The following PARP3 variants were observed in gnomAD, a reference collection of about 807,000 sequenced individuals.
PARP3 encodes the protein poly(ADP-ribose) polymerase family member 3.
Under a neutral mutation model 58.2 loss-of-function variants are expected in PARP3, and 46 were observed. The observed-to-expected ratio is 0.79, with a 90% CI of 0.62 to 1.01. The LOEUF (loss-of-function observed/expected upper bound fraction) is 1.01. PARP3 is among the 50% of genes least tolerant of loss of function. The probability of loss-of-function intolerance (pLI) is 0.00; values close to 1 mark genes in which losing one functional copy is unlikely to be tolerated. For synonymous variants in PARP3, 252 were observed against 266.4 expected (o/e 0.95, Z 0.53); for missense variants, 663 against 683.9 (o/e 0.97, Z 0.34).
Position 51,945,110 on chromosome 3 carries a change from C to T in PARP3, c.747C>T (p.Ser249=). Residue 249 remains serine (S), a synonymous_variant, in exon 6 of 11, where the codon AGC becomes AGT. Transcript: ENST00000398755. The part of the protein sequence containing the change: ...ALKGPTDGGQ[S]LEELSSHFYT... ...AAGGCCCCACGGATGGTGGCCAAAG[C>T]CTGGAGGAGCTGTCCTCACACTTTT... The T allele has an allele frequency of 1.2e-6, 2 of 1,614,152 alleles. No individual in the cohort carries two copies. Among genetic ancestry groups the T allele is most frequent in the African/African-American group, 1.3e-5 (1 of 75,060 alleles).
rs754198499 is a variant in PARP3, at chr3:51,945,582, C to T, written c.949C>T (p.Arg317Ter). ...TVEEVPHPLD[R>*]DYQLLKCQLQ... ...GGAGGAGGTGCCACACCCCCTGGAC[C>T]GAGACTACCAGCTTCTCAAGTGCCA... Residue 317 changes from arginine to a stop codon, truncating the protein, a stop_gained, in exon 7 of 11, where the codon CGA (arginine) becomes TGA (stop). Transcript: ENST00000398755. LOFTEE classifies it high-confidence loss of function. 2.7e-5 allele frequency: 44 copies of T among 1,613,790 alleles called. No individual in the cohort carries two copies. Among genetic ancestry groups the T allele is most frequent in the Non-Finnish European group, 3.1e-5 (37 of 1,180,018 alleles).
Position 51,946,355 on chromosome 3 carries a change from C to T in PARP3, c.1276+12C>T. The T allele has an allele frequency of 6.3e-7, 1 of 1,589,190 alleles. No homozygotes were observed. Among genetic ancestry groups the T allele is most frequent in the Non-Finnish European group, 8.6e-7 (1 of 1,166,642 alleles). On this transcript the variant is annotated intron_variant, in intron 9 of 10. Transcript: ENST00000398755. This position sits in a 1 kb window ranked among gnomAD's most constrained non-coding sequence, Gnocchi z 4.6. ...GTCAGCTGGATATGGTGAGGTGCCCCTCTGGGCCAAGCCCTGGGAGGGTTG... is the reference window on the plus strand; with the variant it reads ...GTCAGCTGGATATGGTGAGGTGCCCTTCTGGGCCAAGCCCTGGGAGGGTTG...
intron 10 of PARP3, 65 bp downstream of exon 10, chr3:51,947,960 T>G (rs187136584): frequency 0.027 from 40,277 of 1,507,708 alleles, 679 homozygotes; most frequent in Non-Finnish European, 0.033. Context: ...CTGGGACATT[T>G]TCAGGGAGGG....
rs1475417165 is a variant in PARP3 at position 51,946,769 on chromosome 3, AGAG to A, written c.1276+430_1276+432del. Among the ~76,000 whole-genome samples the A allele has an allele frequency of 2.0e-5, 3 of 152,218 alleles. No homozygotes were observed. Among genetic ancestry groups the A allele is most frequent in the Non-Finnish European group, 1.5e-5 (1 of 68,032 alleles). On this transcript the variant is annotated intron_variant, in intron 9 of 10. Coordinates refer to ENST00000398755, the MANE Select transcript of PARP3 (RefSeq NM_001003931.4). The surrounding 1 kb of genome is among the most constrained non-coding windows in gnomAD (Gnocchi z 4.6). ...CCATCTGAAAAAATAAAAATAAAAA[AGAG>A]GAGACGTCAAGGCAAGGGGATAGGC...
Position 51,942,370 on chromosome 3 carries a change from G to A in PARP3, c.-341G>A. 1 of 524,508 alleles carries A rather than the reference G, an allele frequency of 1.9e-6. No individual in the cohort carries two copies. Among genetic ancestry groups the A allele is most frequent in the East Asian group, 3.4e-5 (1 of 29,340 alleles). 32.5% of individuals were successfully genotyped at this position (524,508 alleles called of 1,614,324 possible). ...GTATCCGGGCCCAAGGTCACCGCGC[G>A]ACCGGCAGATGCGTGCTGCAGGCCC... On this transcript the variant is annotated 5_prime_UTR_variant, in exon 1 of 11. Transcript: ENST00000398755.
At chr3:51,948,072 G>T (rs576502215) in intron 10 of PARP3, among the ~76,000 whole-genome samples, 177 bp downstream of exon 10, 1 of 152,314 alleles carries the variant, frequency 6.6e-6, no homozygotes, top group South Asian at 2.1e-4. Context: ...ATCCCGGAGG[G>T]CTTCAAAAAG....
Position 51,944,488 on chromosome 3 carries a change from G to C in PARP3, c.411G>C (p.Trp137Cys), listed in dbSNP as rs768381965. The C allele has an allele frequency of 6.2e-7, 1 of 1,614,184 alleles. No individual in the cohort carries two copies. Among genetic ancestry groups the C allele is most frequent in the South Asian group, 1.1e-5 (1 of 91,078 alleles). The change falls in exon 4 of 11, where the codon TGG becomes TGC. Residue 137 changes from tryptophan (W) to cysteine (C), a missense_variant. Coordinates refer to ENST00000398755, the MANE Select transcript of PARP3 (RefSeq NM_001003931.4). This position sits in a 1 kb window ranked among gnomAD's most constrained non-coding sequence, Gnocchi z 4.2. ...TTCGGGAAAAGACCAAGAACAACTG[G>C]GCAGAGCGGGACCACTTTGTGTCTC... The part of the protein sequence containing the change: ...KKFREKTKNN[W>C]AERDHFVSHP...
Position 51,944,254 on chromosome 3 carries a change from G to A in PARP3, c.312+37G>A, listed in dbSNP as rs1251579834. 6.2e-7 allele frequency: 1 copy of A among 1,612,848 alleles called. No individual in the cohort carries two copies. Among genetic ancestry groups the A allele is most frequent in the African/African-American group, 1.3e-5 (1 of 74,880 alleles). On this transcript the variant is annotated intron_variant, in intron 3 of 10. Transcript: ENST00000398755. The surrounding 1 kb of genome is among the most constrained non-coding windows in gnomAD (Gnocchi z 4.2). ...GCCTGCTCTGCACATACTCCCCAGG[G>A]TCCTCAAAAGGCCACAGCTACTGAC...
chr3:51,944,643 G>C lies in PARP3; in HGVS notation c.501+65G>C. On this transcript the variant is annotated intron_variant, in intron 4 of 10. Transcript: ENST00000398755. The surrounding 1 kb of genome is among the most constrained non-coding windows in gnomAD (Gnocchi z 4.2). ...GGAGGGGACTCGTTGGAGAGTTCCC[G>C]CTGGTTGGGCTCTGCCACTGCCCAG... is the stretch of plus-strand genomic sequence containing the variant. The C allele has an allele frequency of 6.3e-7, 1 of 1,583,738 alleles. No homozygotes were observed. Among genetic ancestry groups the C allele is most frequent in the Non-Finnish European group, 8.6e-7 (1 of 1,159,786 alleles).
Position 51,946,466 on chromosome 3 carries a change from C to T in PARP3, c.1276+123C>T. On this transcript the variant is annotated intron_variant, in intron 9 of 10. Coordinates refer to ENST00000398755, the MANE Select transcript of PARP3 (RefSeq NM_001003931.4). This position sits in a 1 kb window ranked among gnomAD's most constrained non-coding sequence, Gnocchi z 4.6. The stretch of plus-strand genomic sequence containing the variant: ...GGAATCCTTTAATGGTTAATGACTA[C>T]AGTGCTCAGTGGGCTGTCCTGGGCT... The T allele has an allele frequency of 1.3e-6, 1 of 791,030 alleles. No individual in the cohort carries two copies. The highest frequency in any genetic ancestry group is 1.9e-5 in the South Asian group (1 of 53,392). The allele number at this position is 791,030 out of a possible 1,614,324, so 49.0% of individuals were successfully genotyped here.
In PARP3 at chr3:51,947,772, G is replaced by T; in HGVS notation, c.1309G>T (p.Gly437Cys). The T allele has an allele frequency of 6.2e-7, 1 of 1,614,110 alleles. No homozygotes were observed. The highest frequency in any genetic ancestry group is 8.5e-7 in the Non-Finnish European group (1 of 1,180,004). ...CATGAAGTGTGGGGCCCACCATGTC[G>T]GCTACATGTTCCTGGGTGAGGTGGC... is the stretch of plus-strand genomic sequence containing the variant. ...IGMKCGAHHV[G>C]YMFLGEVALG... Residue 437 changes from glycine (G) to cysteine (C), a missense_variant, in exon 10 of 11, where the codon GGC (glycine) becomes TGC (cysteine). Gly to Cys is a radical substitution (Grantham distance 159, BLOSUM62 -3). Coordinates refer to ENST00000398755, the MANE Select transcript of PARP3 (RefSeq NM_001003931.4).
Position 51,945,515 on chromosome 3 carries a change from G to A in PARP3, c.882G>A (p.Leu294=), listed in dbSNP as rs190577232. The A allele has an allele frequency of 3.3e-4, 529 of 1,613,680 alleles. 5 individuals are homozygous for A. The East Asian group carries it at 5.9e-3, about 18-fold the overall frequency. Residue 294 remains leucine (L), a synonymous_variant, in exon 7 of 11, where the codon CTG becomes CTA. Coordinates refer to ENST00000398755, the MANE Select transcript of PARP3 (RefSeq NM_001003931.4). ...DMLLVLADIE[L]AQALQAVSEQ... The stretch of plus-strand genomic sequence containing the variant: ...CCTAGGTGCTGGCGGACATCGAGCT[G>A]GCCCAGGCCCTGCAGGCAGTCTCTG...
chr3:51,943,441 T>A lies in PARP3; in HGVS notation c.86T>A (p.Phe29Tyr). The A allele has an allele frequency of 6.2e-7, 1 of 1,607,960 alleles. No homozygotes were observed. Among genetic ancestry groups the A allele is most frequent in the Non-Finnish European group, 8.5e-7 (1 of 1,177,852 alleles). ...CAGGCAGGAAGGGAGGAGGACCCCT[T>A]CCGCTCCACCGCTGAGGCCCTCAAG... ...GRQAGREEDP[F>Y]RSTAEALKAI... The change falls in exon 2 of 11, where the codon TTC becomes TAC. Residue 29 changes from phenylalanine (F) to tyrosine (Y), a missense_variant. By Grantham distance (22) the Phe-to-Tyr change is conservative (BLOSUM62 3). Around this residue, in one of 3 missense-constraint regions of PARP3, gnomAD observed 567 missense variants for 553.6 expected, o/e 1.02. Coordinates refer to ENST00000398755, the MANE Select transcript of PARP3 (RefSeq NM_001003931.4).
In PARP3 at chr3:51,945,896, G is replaced by A. The variant is rs759879310; in HGVS notation, c.1055G>A (p.Cys352Tyr). 1.9e-6 allele frequency: 3 copies of A among 1,614,154 alleles called. No homozygotes were observed. The highest frequency in any genetic ancestry group is 2.5e-6 in the Non-Finnish European group (3 of 1,180,018). The change falls in exon 8 of 11, where the codon TGC (cysteine) becomes TAC (tyrosine). Residue 352 changes from cysteine (C) to tyrosine (Y), a missense_variant. This residue lies in a region of PARP3 where 567 missense variants were observed against 553.6 expected (regional missense o/e 1.02). Transcript: ENST00000398755. Reference sequence around the variant, plus strand: ...GAACAGACTGGCAGCAACCACAGGTGCCCTACACTTCAACACATCTGGAAA... The same window carrying A: ...GAACAGACTGGCAGCAACCACAGGTACCCTACACTTCAACACATCTGGAAA... ...YLEQTGSNHR[C>Y]PTLQHIWKVN...
At chr3:51,943,973 G>A (rs929267665) in intron 2 of PARP3, 116 bp from the exon 3 acceptor site, 1 of 932,740 alleles carries the variant, frequency 1.1e-6, no homozygotes, top group East Asian at 2.4e-5. Flanking sequence ...CCAAGACAGG[G>A]TCCCTCTGAC....
rs982337734 is a variant in PARP3 at position 51,943,532 on chromosome 3, G to A, written c.177G>A (p.Gly59=). Reference sequence around the variant, plus strand: ...CATGTCCACTCAGCAGCAACCCCGGGACCCAGGTGAGCTGCAGTCCCCAGT... The same window carrying A: ...CATGTCCACTCAGCAGCAACCCCGGAACCCAGGTGAGCTGCAGTCCCCAGT... ...DPTCPLSSNP[G]TQVYEDYNCT... The change falls in exon 2 of 11, where the codon GGG becomes GGA. Residue 59 remains glycine (G), a synonymous_variant. Transcript: ENST00000398755. 6.2e-7 allele frequency: 1 copy of A among 1,608,184 alleles called. No individual in the cohort carries two copies. Among genetic ancestry groups the A allele is most frequent in the South Asian group, 1.1e-5 (1 of 90,048 alleles).
At position 51,948,525 on chromosome 3, in the gene PARP3, C is replaced by T. The variant is rs1167437918; in HGVS notation, c.*45C>T. ...GGGTCCTGCAAGGCTGGACTGTGAT[C>T]TTCAATCATCCTGCCCATCTCTGGT... On this transcript the variant is annotated 3_prime_UTR_variant, in exon 11 of 11. Coordinates refer to ENST00000398755, the MANE Select transcript of PARP3 (RefSeq NM_001003931.4). 6.4e-7 allele frequency: 1 copy of T among 1,559,988 alleles called. No individual in the cohort carries two copies. The highest frequency in any genetic ancestry group is 1.4e-5 in the African/African-American group (1 of 73,920).
Position 51,946,133 on chromosome 3 carries a change from A to C in PARP3, c.1099-33A>C. On this transcript the variant is annotated intron_variant, in intron 8 of 10. Coordinates refer to ENST00000398755, the MANE Select transcript of PARP3 (RefSeq NM_001003931.4). This position sits in a 1 kb window ranked among gnomAD's most constrained non-coding sequence, Gnocchi z 4.6. ...CAAGGCGACTGAGTGCTCGGGTGGC[A>C]TCACTCCCATTTCTCACTTCCTCTC... 1 of 1,562,492 alleles carries C rather than the reference A, an allele frequency of 6.4e-7. No individual in the cohort carries two copies. Among genetic ancestry groups the C allele is most frequent in the South Asian group, 1.2e-5 (1 of 82,772 alleles).
Position 51,944,735 on chromosome 3 carries a change from C to A in PARP3, c.502-43C>A. The A allele has an allele frequency of 6.3e-7, 1 of 1,584,428 alleles. No individual in the cohort carries two copies. The highest frequency in any genetic ancestry group is 8.6e-7 in the Non-Finnish European group (1 of 1,164,848). ...TGGCTGGTCTCTGTCTGGTGTCACG[C>A]CCTGCCCCGCTGCTCCTGCCCACAT... On this transcript the variant is annotated intron_variant, in intron 4 of 10. Transcript: ENST00000398755. The surrounding 1 kb of genome is among the most constrained non-coding windows in gnomAD (Gnocchi z 4.2).
Sources: gnomAD v4.1 joint callset for allele counts (sites outside exome capture counted in the v4.1 genomes callset) on GRCh38, gnomAD v4.1.1 for gene constraint, gnomAD v4.1.1 regional missense constraint, Gnocchi (gnomAD v3.1) non-coding constraint, MANE v1.5 for transcripts, NCBI Gene and HGNC (gene_info 2026-07-23, HGNC 2026-07-21) for gene names.